The following NFATC3 variants were observed in gnomAD, a reference collection of about 807,000 sequenced individuals.
NFATC3 encodes nuclear factor of activated T cells 3.
In NFATC3, 46 loss-of-function variants were observed where a neutral mutation model predicts 98.6. The observed-to-expected ratio is 0.47, with a 90% CI of 0.37 to 0.60. The LOEUF (loss-of-function observed/expected upper bound fraction) is 0.60. Ranked by LOEUF, NFATC3 falls within the 20% of genes least tolerant of loss-of-function variation. The pLI is 0.00. For synonymous variants in NFATC3, 512 were observed against 472.2 expected (o/e 1.08, Z -1.09); for missense variants, 1,256 against 1,295.5 (o/e 0.97, Z 0.47).
intron 3 of NFATC3, among the ~76,000 whole-genome samples, chr16:68,153,424 A>C (rs894844193): frequency 6.6e-5 from 10 of 151,128 alleles, no homozygotes; most frequent in East Asian, 5.8e-4. Context: ...TCCATCCCCC[A>C]AAAAAGAAAA....
chr16:68,222,716 TATTTAGTC>T (rs764727263), intron 9 of NFATC3, among the ~76,000 whole-genome samples: 25 of 152,248 alleles, frequency 1.6e-4, no homozygotes, highest in Non-Finnish European at 3.4e-4. Context: ...AGGGTCCATT[TATTTAGTC>T]ATCAGGAATG....
chr16:68,162,616 A>G (rs931538202), intron 4 of NFATC3, among the ~76,000 whole-genome samples: 7 of 149,306 alleles, frequency 4.7e-5, no homozygotes, highest in South Asian at 4.2e-4. Context: ...AAACATCTCA[A>G]TTGGCTTTAT....
intron 1 of NFATC3, among the ~76,000 whole-genome samples, chr16:68,103,568 T>G (rs1458817388): frequency 1.3e-5 from 2 of 152,230 alleles, no homozygotes; most frequent in East Asian, 3.8e-4. Context: ...CAAGTTGTAT[T>G]AATTGAGTTC....
chr16:68,129,669 G>GC (rs1376821533), intron 3 of NFATC3, among the ~76,000 whole-genome samples: 1 of 133,998 alleles, frequency 7.5e-6, no homozygotes, highest in Non-Finnish European at 1.6e-5. Context: ...GCTGCTCCCC[G>GC]CCTTTTTTTT....
At chr16:68,209,573 G>T in intron 9 of NFATC3, 1 of 324,518 alleles carries the variant, frequency 3.1e-6, no homozygotes. Context: ...AATTTGCAAA[G>T]CTGCTGAAGG....
At chr16:68,132,523 G>A (rs891979616) in intron 3 of NFATC3, among the ~76,000 whole-genome samples, 2 of 152,210 alleles carry the variant, frequency 1.3e-5, no homozygotes, top group Non-Finnish European at 2.9e-5. Context: ...GAACTACCAT[G>A]TGATCCAGCA....
chr16:68,155,005 T>C (rs1439660174), intron 3 of NFATC3, among the ~76,000 whole-genome samples: 1 of 152,346 alleles, frequency 6.6e-6, no homozygotes, highest in East Asian at 1.9e-4. Flanking sequence ...TATAAGGCTA[T>C]TGCAATAGTC....
chr16:68,123,474 A>G (rs1427989541), intron 2 of NFATC3, among the ~76,000 whole-genome samples: 2 of 148,604 alleles, frequency 1.3e-5, no homozygotes, highest in Non-Finnish European at 3.0e-5. Context: ...TAGCCTGGGC[A>G]ACATAGCAAG....
At chr16:68,174,170 A>G (rs1318328475) in intron 5 of NFATC3, among the ~76,000 whole-genome samples, 1 of 152,182 alleles carries the variant, frequency 6.6e-6, no homozygotes, top group Non-Finnish European at 1.5e-5. Context: ...TAGAAATCAC[A>G]TTAATATATC....
chr16:68,211,385 A>G (rs896087750), intron 9 of NFATC3, among the ~76,000 whole-genome samples: 6 of 151,610 alleles, frequency 4.0e-5, no homozygotes, highest in Non-Finnish European at 8.8e-5. Flanking sequence ...ACGGGGTTTC[A>G]CCATGTTGGC....
intron 1 of NFATC3, among the ~76,000 whole-genome samples, chr16:68,120,040 G>A (rs1183152830): frequency 6.6e-6 from 1 of 151,770 alleles, no homozygotes; most frequent in African/African-American, 2.4e-5. Flanking sequence ...CACTTTGGGA[G>A]GCTGGGGCAG....
intron 3 of NFATC3, among the ~76,000 whole-genome samples, chr16:68,143,597 C>G (rs913067070): frequency 6.6e-6 from 1 of 152,140 alleles, no homozygotes; most frequent in East Asian, 1.9e-4. Flanking sequence ...ACCTGTGACC[C>G]CAGCATTCTG....
At chr16:68,210,230 G>A (rs920890527) in intron 9 of NFATC3, among the ~76,000 whole-genome samples, 12 of 151,722 alleles carry the variant, frequency 7.9e-5, no homozygotes, top group African/African-American at 2.4e-4. Flanking sequence ...CCCGGAAGGC[G>A]GAGCTTGCAG....
intron 3 of NFATC3, among the ~76,000 whole-genome samples, chr16:68,149,131 G>A (rs2038187830): frequency 1.3e-5 from 2 of 152,136 alleles, no homozygotes. Context: ...GAATGAAGTG[G>A]AGGTTCTAGA....
Position 68,123,004 on chromosome 16 carries a change from A to G in NFATC3, c.1121A>G (p.Asp374Gly). The G allele has an allele frequency of 6.2e-7, 1 of 1,614,112 alleles. No individual in the cohort carries two copies. Among genetic ancestry groups the G allele is most frequent in the South Asian group, 1.1e-5 (1 of 91,088 alleles). ...SLSPARETSI[D>G]DGLGSQYPLK... is the part of the protein sequence containing the mutation. ...TCACCAGCCCGGGAGACTTCAATAG[A>G]TGATGGCCTTGGATCTCAGTATCCT... Residue 374 changes from aspartate to glycine, a missense_variant, in exon 2 of 10, where the codon GAT becomes GGT. Coordinates refer to ENST00000346183, the MANE Select transcript of NFATC3 (RefSeq NM_173165.3).
At chr16:68,217,878 A>G in intron 9 of NFATC3, 1 of 1,226,644 alleles carries the variant, frequency 8.2e-7, no homozygotes, top group Non-Finnish European at 1.0e-6. Flanking sequence ...ATACCTAGCT[A>G]CACTGGGGAA....
intron 3 of NFATC3, among the ~76,000 whole-genome samples, chr16:68,128,272 C>T (rs1265037541): frequency 2.0e-5 from 3 of 151,588 alleles, no homozygotes; most frequent in Non-Finnish European, 4.4e-5. Context: ...ATTATCTGAT[C>T]ATGTTTTATA....
intron 9 of NFATC3, chr16:68,212,542 C>T (rs897501613): frequency 6.6e-6 from 1 of 152,050 alleles, no homozygotes; most frequent in African/African-American, 2.4e-5. Context: ...GTGTTTTTGA[C>T]TCTTGGGGCA....
At chr16:68,176,564 C>T (rs2151617235) in intron 6 of NFATC3, among the ~76,000 whole-genome samples, 1 of 152,188 alleles carries the variant, frequency 6.6e-6, no homozygotes, top group East Asian at 1.9e-4. Flanking sequence ...ACTGCTGTAC[C>T]TGGTAGGCAT....
Sources: gnomAD v4.1 joint callset for allele counts (sites outside exome capture counted in the v4.1 genomes callset) on GRCh38, gnomAD v4.1.1 for gene constraint, MANE v1.5 for transcripts, NCBI Gene and HGNC (gene_info 2026-07-23, HGNC 2026-07-21) for gene names.